Variants in AP3B1 observed in about 807,000 individuals in gnomAD.
The protein encoded by AP3B1 is adaptor related protein complex 3 subunit beta 1, also known as AP-3 complex subunit beta-1.
AP3B1 carries 61 observed loss-of-function variants against 132.5 expected under a neutral mutation model. The observed-to-expected ratio is 0.46, with a 90% confidence interval of 0.37 to 0.57. AP3B1 has a LOEUF of 0.57. Ranked by LOEUF, AP3B1 falls within the 20% of genes least tolerant of loss-of-function variation. The pLI is 0.00. For missense variants in AP3B1, 1,120 were observed against 1,289.4 expected (o/e 0.87, Z 2.01); for synonymous variants, 388 against 438.3 (o/e 0.89, Z 1.43).
At chr5:78,086,779 G>A (rs996386480) in intron 22 of AP3B1, among the ~76,000 whole-genome samples, 21 of 152,092 alleles carry the variant, frequency 1.4e-4, no homozygotes, top group Non-Finnish European at 2.6e-4. Flanking sequence ...CATTAGACAC[G>A]TTAAACACGT....
chr5:78,288,204 C>T (rs12188788), intron 1 of AP3B1, among the ~76,000 whole-genome samples: 35,171 of 152,110 alleles, frequency 0.23, 4,663 homozygotes, highest in Middle Eastern at 0.31. Flanking sequence ...AATAGGTATG[C>T]CACACTGAAA....
chr5:78,174,325 T>C (rs1404489609), intron 11 of AP3B1, among the ~76,000 whole-genome samples: 1 of 152,234 alleles, frequency 6.6e-6, no homozygotes, highest in African/African-American at 2.4e-5. Context: ...TGTGGTTTTA[T>C]ACTACCTTTG....
chr5:78,225,502 G>C (rs1242118165), intron 6 of AP3B1, 40 bp downstream of exon 6: 1 of 1,138,776 alleles, frequency 8.8e-7, no homozygotes, highest in East Asian at 2.4e-5. Context: ...TGTAAATAAA[G>C]TACATTTTTA....
rs554498493 is a variant in AP3B1 at position 78,020,929 on chromosome 5, G to A, written c.2895-140C>T. 169 of 657,680 alleles carry A rather than the reference G, an allele frequency of 2.6e-4. 3 individuals carry two copies. The East Asian group carries it at 4.1e-3, about 16-fold the overall frequency. The allele number at this position is 657,680 out of a possible 1,614,324, so 40.7% of individuals were successfully genotyped here. On this transcript the variant is annotated intron_variant, in intron 24 of 26. Coordinates refer to ENST00000255194, the MANE Select transcript of AP3B1 (RefSeq NM_003664.5). ...TTGGTTTAAACATCACAGCTAAAAA[G>A]GTTTAAACATTTTCCCAAACAAACA...
chr5:78,049,803 G>A (rs537894627), intron 22 of AP3B1, among the ~76,000 whole-genome samples: 3 of 152,166 alleles, frequency 2.0e-5, no homozygotes, highest in Admixed American at 6.5e-5. Context: ...CAGCTAGAAT[G>A]TATCAGTTAA....
At chr5:78,236,727 A>T (rs559215616) in intron 3 of AP3B1, among the ~76,000 whole-genome samples, 24 of 152,228 alleles carry the variant, frequency 1.6e-4, no homozygotes, top group Non-Finnish European at 3.1e-4. Context: ...TCCTATTGCT[A>T]CTAAGAGACT....
At chr5:78,113,607 C>A in intron 19 of AP3B1, 145 bp downstream of exon 19, 1 of 830,770 alleles carries the variant, frequency 1.2e-6, no homozygotes, top group South Asian at 1.7e-5. Context: ...GAACAACTAG[C>A]ACTTTAATTT....
intron 26 of AP3B1, among the ~76,000 whole-genome samples, chr5:78,013,161 C>G (rs1331013004): frequency 6.6e-6 from 1 of 152,144 alleles, no homozygotes; most frequent in African/African-American, 2.4e-5. Flanking sequence ...CCTCCTACCT[C>G]AGCTTCCCAA....
rs1746817111 is a variant in AP3B1, at chr5:78,015,448, A to G, written c.3093T>C (p.Asn1031=). 6.2e-7 allele frequency: 1 copy of G among 1,613,790 alleles called. No individual in the cohort carries two copies. ...CCTGGCCAGAAGGGACTGCACCTAC[A>G]TTGGCTACATTTACAACCTTCTGAA... ...VIFQKVVNVA[N]VGAVPSGQDN... is the part of the protein sequence containing the mutation. Residue 1031 remains asparagine (N), a synonymous_variant, in exon 26 of 27, where the codon AAT becomes AAC. Coordinates refer to ENST00000255194, the MANE Select transcript of AP3B1 (RefSeq NM_003664.5).
chr5:78,115,598 A>G (rs960962374), intron 18 of AP3B1, among the ~76,000 whole-genome samples: 1 of 152,184 alleles, frequency 6.6e-6, no homozygotes, highest in Non-Finnish European at 1.5e-5. Context: ...AATCCTTCCT[A>G]TTAAGCATTC....
chr5:78,134,012 A>G (rs1002382326), intron 15 of AP3B1, among the ~76,000 whole-genome samples: 3 of 151,890 alleles, frequency 2.0e-5, no homozygotes, highest in Admixed American at 2.0e-4. Context: ...TTAGCCGGGC[A>G]TGGTGGCGGG....
chr5:78,145,258 T>C (rs1471974709), intron 14 of AP3B1, among the ~76,000 whole-genome samples: 6 of 152,240 alleles, frequency 3.9e-5, no homozygotes, highest in Non-Finnish European at 8.8e-5. Context: ...ACAAATTACA[T>C]AGCTAATATC....
At chr5:78,036,445 C>A (rs527724824) in intron 23 of AP3B1, among the ~76,000 whole-genome samples, 1 of 152,252 alleles carries the variant, frequency 6.6e-6, no homozygotes, top group Admixed American at 6.5e-5. Flanking sequence ...AATATCAACA[C>A]ATGAAATCAT....
chr5:78,147,395 G>A (rs1417808082), intron 14 of AP3B1, among the ~76,000 whole-genome samples: 1 of 151,982 alleles, frequency 6.6e-6, no homozygotes, highest in African/African-American at 2.4e-5. Context: ...ATGGCCTGTA[G>A]CTAGTTTTTG....
intron 22 of AP3B1, among the ~76,000 whole-genome samples, chr5:78,057,394 A>G (rs1748860470): frequency 6.6e-6 from 1 of 152,214 alleles, no homozygotes; most frequent in East Asian, 1.9e-4. Context: ...GGTTTAAGAC[A>G]CAAAGTCTGA....
intron 21 of AP3B1, among the ~76,000 whole-genome samples, chr5:78,093,464 T>C (rs1409843361): frequency 3.3e-5 from 5 of 152,240 alleles, no homozygotes; most frequent in Admixed American, 2.6e-4. Flanking sequence ...AACTGATATG[T>C]CAGAATGTTA....
At chr5:78,029,585 C>T (rs1747487034) in intron 24 of AP3B1, among the ~76,000 whole-genome samples, 1 of 152,180 alleles carries the variant, frequency 6.6e-6, no homozygotes, top group Non-Finnish European at 1.5e-5. Context: ...TCTCCAGCCA[C>T]CTTTTTTTGT....
At chr5:78,195,104 A>G (rs1745026353) in intron 7 of AP3B1, among the ~76,000 whole-genome samples, 1 of 152,074 alleles carries the variant, frequency 6.6e-6, no homozygotes, top group African/African-American at 2.4e-5. Flanking sequence ...ACCAATTTAT[A>G]CTGGAGAAGG....
chr5:78,211,986 TAAGA>T (rs2112470031), intron 7 of AP3B1, among the ~76,000 whole-genome samples: 1 of 152,272 alleles, frequency 6.6e-6, no homozygotes, highest in Admixed American at 6.5e-5. Context: ...GAATACTATG[TAAGA>T]AAGTACAGGC....
Sources: allele counts gnomAD v4.1 joint callset (sites outside exome capture counted in the v4.1 genomes callset), GRCh38; gene constraint gnomAD v4.1.1; transcripts MANE v1.5; gene names NCBI Gene and HGNC (gene_info 2026-07-23, HGNC 2026-07-21).